The following KLK9 variants were observed in gnomAD, a reference collection of about 807,000 sequenced individuals.
KLK9 encodes kallikrein-9.
KLK9 carries 26 observed loss-of-function variants against 23.3 expected under a neutral mutation model. The observed-to-expected ratio is 1.12, with a 90% CI of 0.82 to 1.55. KLK9 has a LOEUF of 1.55. Among genes scored for constraint, KLK9 ranks in the 40% most tolerant of loss-of-function variants. KLK9 has a pLI of 0.00. For synonymous variants in KLK9, 122 were observed against 128.5 expected (o/e 0.95, Z 0.34); for missense variants, 346 against 333.7 (o/e 1.04, Z -0.29).
In KLK9 at chr19:51,003,833, A is replaced by C; in HGVS notation, c.474T>G (p.Phe158Leu). 1 of 1,613,908 alleles carries C rather than the reference A, an allele frequency of 6.2e-7. No homozygotes were observed. Among genetic ancestry groups the C allele is most frequent in the Non-Finnish European group, 8.5e-7 (1 of 1,179,830 alleles). Residue 158 changes from phenylalanine to leucine, a missense_variant, in exon 4 of 5, where the codon TTT becomes TTG. By Grantham distance (22) the Phe-to-Leu change is conservative. Coordinates refer to ENST00000594211, the MANE Select transcript of KLK9 (RefSeq NM_012315.2). ...WGAVSSPKAL[F>L]PVTLQCANIS... ...TGTTGGCACACTGCAGTGTGACTGG[A>C]AACAGCGCTGTCAGGGAAGAGAACT...
rs766068135 is a variant in KLK9, at chr19:51,009,371, C to T, written c.44-32G>A. 32 of 1,554,936 alleles carry T rather than the reference C, an allele frequency of 2.1e-5. No homozygotes were observed. The highest frequency in any genetic ancestry group is 3.7e-5 in the Admixed American group (2 of 53,618). On this transcript the variant is annotated intron_variant, in intron 1 of 4. Coordinates refer to ENST00000594211, the MANE Select transcript of KLK9 (RefSeq NM_012315.2). The surrounding 1 kb of genome is among the most constrained non-coding windows in gnomAD (Gnocchi z 4.8). Reference sequence around the variant, plus strand: ...TGGGGATGAGGGACAAAGGGGTCAGCGAAGAGCAGGCTGGGAGGGCAGGGA... The same window carrying T: ...TGGGGATGAGGGACAAAGGGGTCAGTGAAGAGCAGGCTGGGAGGGCAGGGA...
rs145001307 is a variant in KLK9, at chr19:51,006,725, T to C, written c.201-2A>G. 10 of 1,572,988 alleles carry C rather than the reference T, an allele frequency of 6.4e-6. No individual in the cohort carries two copies. Among genetic ancestry groups the C allele is most frequent in the Non-Finnish European group, 8.6e-6 (10 of 1,157,578 alleles). On this transcript the variant is annotated splice_acceptor_variant, in intron 2 of 4. Transcript: ENST00000594211. LOFTEE classifies it high-confidence loss of function. This position sits in a 1 kb window ranked among gnomAD's most constrained non-coding sequence, Gnocchi z 4.1. ...TCTCCAAGGCGGACCCACAGATACCTGCTGGGACAGGCCTCAGAGGTCAAG... is the reference window on the plus strand; with the variant it reads ...TCTCCAAGGCGGACCCACAGATACCCGCTGGGACAGGCCTCAGAGGTCAAG...
Position 51,002,876 on chromosome 19 carries a change from T to C in KLK9, c.*235A>G, listed in dbSNP as rs757939891. On this transcript the variant is annotated 3_prime_UTR_variant, in exon 5 of 5. Transcript: ENST00000594211. ...GAGGTGATGGCTGTCGGTGACGTCATAGAGACGGGCTCTGAAGGGCGTGTC... is the reference window on the plus strand; with the variant it reads ...GAGGTGATGGCTGTCGGTGACGTCACAGAGACGGGCTCTGAAGGGCGTGTC... The C allele has an allele frequency of 6.5e-6, 3 of 459,554 alleles. No individual in the cohort carries two copies. Among genetic ancestry groups the C allele is most frequent in the Non-Finnish European group, 1.1e-5 (3 of 261,734 alleles). The allele number at this position is 459,554 out of a possible 1,614,324, so 28.5% of individuals were successfully genotyped here. A position where few individuals can be genotyped will look rare whatever the true frequency, so the allele number is the denominator to read the frequency against.
rs1007755 is a variant in KLK9, at chr19:51,007,512, G to A, written c.201-789C>T. ...TCTTGGCTCTGGATCTGGAAAAGTA[G>A]TCCTCACCCCTACATCCCTTCATCC... On this transcript the variant is annotated intron_variant, in intron 2 of 4. Coordinates refer to ENST00000594211, the MANE Select transcript of KLK9 (RefSeq NM_012315.2). Among the ~76,000 whole-genome samples, 1,347 of 151,896 alleles carry A rather than the reference G, an allele frequency of 8.9e-3. 22 individuals carry two copies. Among genetic ancestry groups the A allele is most frequent in the African/African-American group, 0.031 (1,266 of 41,470 alleles).
Position 51,009,356 on chromosome 19 carries a change from GGACAAAGGGGTCAGC to G in KLK9, c.44-32_44-18del. ...AGCCATGCCCTGGGGTGGGGATGAG[GGACAAAGGGGTCAGC>G]GAAGAGCAGGCTGGGAGGGCAGGGA... On this transcript the variant is annotated intron_variant, in intron 1 of 4. Transcript: ENST00000594211. This position sits in a 1 kb window ranked among gnomAD's most constrained non-coding sequence, Gnocchi z 4.8. 6.4e-7 allele frequency: 1 copy of G among 1,564,868 alleles called. No homozygotes were observed. Among genetic ancestry groups the G allele is most frequent in the East Asian group, 2.3e-5 (1 of 44,062 alleles).
Position 51,003,228 on chromosome 19 carries a change from T to A in KLK9, c.636A>T (p.Gly212=). 6.2e-7 allele frequency: 1 copy of A among 1,612,884 alleles called. No individual in the cohort carries two copies. Among genetic ancestry groups the A allele is most frequent in the Non-Finnish European group, 8.5e-7 (1 of 1,179,592 alleles). Residue 212 remains glycine, a synonymous_variant, in exon 5 of 5, where the codon GGA becomes GGT. Coordinates refer to ENST00000594211, the MANE Select transcript of KLK9 (RefSeq NM_012315.2). ...GDSGGPLVCN[G]TLAGVVSGGA... is the part of the protein sequence containing the mutation. ...CCCCAGACACCACGCCTGCCAAGGTTCCATTGCAAACCAGGGGGCCCCCAG... is the reference window on the plus strand; with the variant it reads ...CCCCAGACACCACGCCTGCCAAGGTACCATTGCAAACCAGGGGGCCCCCAG...
At chr19:51,004,232 C>T (rs908838233) in intron 3 of KLK9, among the ~76,000 whole-genome samples, 24 of 148,968 alleles carry the variant, frequency 1.6e-4, no homozygotes, top group African/African-American at 5.7e-4. Context: ...CCCAGCTACT[C>T]GGGAGGCTGA....
chr19:51,008,671 AT>A (rs2091265194), intron 2 of KLK9, among the ~76,000 whole-genome samples: 1 of 152,230 alleles, frequency 6.6e-6, no homozygotes, highest in Non-Finnish European at 1.5e-5. Flanking sequence ...AGTAAACTGT[AT>A]CGTTCATACG....
At chr19:51,005,299 G>A (rs1367289155) in intron 3 of KLK9, among the ~76,000 whole-genome samples, 1 of 152,200 alleles carries the variant, frequency 6.6e-6, no homozygotes, top group East Asian at 1.9e-4. Context: ...GCCAGGTACA[G>A]TGGCTCACAC....
chr19:51,005,912 T>A (rs1000252442), intron 3 of KLK9, among the ~76,000 whole-genome samples: 2 of 150,038 alleles, frequency 1.3e-5, no homozygotes. Context: ...CCTCTGTCTC[T>A]ACTAAAAATA....
In KLK9 at chr19:51,003,082, C is replaced by T. The variant is rs374809160; in HGVS notation, c.*29G>A. The T allele has an allele frequency of 6.9e-6, 11 of 1,591,238 alleles. No individual in the cohort carries two copies. The African/African-American group carries it at 1.5e-4, about 21-fold the overall frequency. ...CCCGTGCCCTTCGGCCTCTCTTGGT[C>T]TTCCAAGGTGCCCCCGTGGCGCGCG... On this transcript the variant is annotated 3_prime_UTR_variant, in exon 5 of 5. Coordinates refer to ENST00000594211, the MANE Select transcript of KLK9 (RefSeq NM_012315.2).
At position 51,009,504 on chromosome 19, in the gene KLK9, C is replaced by A. The variant is rs748161036; in HGVS notation, c.43+1G>T. On this transcript the variant is annotated splice_donor_variant, in intron 1 of 4. Transcript: ENST00000594211. LOFTEE classifies it high-confidence loss of function. This position sits in a 1 kb window ranked among gnomAD's most constrained non-coding sequence, Gnocchi z 4.8. ...AGGGGCAGCCAGCCTGGGAGCCTCA[C>A]CTGCCAGCAGAGAGAGCAGAGCACA... 1 of 1,609,252 alleles carries A rather than the reference C, an allele frequency of 6.2e-7. No individual in the cohort carries two copies. The highest frequency in any genetic ancestry group is 1.3e-5 in the African/African-American group (1 of 74,948).
Position 51,008,058 on chromosome 19 carries a change from C to T in KLK9, c.200+1125G>A, listed in dbSNP as rs1427213304. Reference sequence around the variant, plus strand: ...AAAAGACTAGAATTTTGGCTGGGCGCGGTGGCTCACGCCTGTAATCCCAGC... The same window carrying T: ...AAAAGACTAGAATTTTGGCTGGGCGTGGTGGCTCACGCCTGTAATCCCAGC... On this transcript the variant is annotated intron_variant, in intron 2 of 4. Transcript: ENST00000594211. 4.6e-5 allele frequency among the ~76,000 whole-genome samples: 7 copies of T among 151,474 alleles called. No individual in the cohort carries two copies. In the East Asian group the frequency reaches 7.8e-4, roughly 17 times the overall value.
In KLK9 at chr19:51,006,416, T is replaced by A. The variant is rs1172830336; in HGVS notation, c.466+42A>T. On this transcript the variant is annotated intron_variant, in intron 3 of 4. Coordinates refer to ENST00000594211, the MANE Select transcript of KLK9 (RefSeq NM_012315.2). This position sits in a 1 kb window ranked among gnomAD's most constrained non-coding sequence, Gnocchi z 4.1. Reference sequence around the variant, plus strand: ...AGATGAAAAGGCAGAGACAGAGGGGTGAGGGAGCAAGTTTCAGAGAGAGTT... The same window carrying A: ...AGATGAAAAGGCAGAGACAGAGGGGAGAGGGAGCAAGTTTCAGAGAGAGTT... The A allele has an allele frequency of 8.6e-6, 13 of 1,519,990 alleles. No individual in the cohort carries two copies. Among genetic ancestry groups the A allele is most frequent in the Non-Finnish European group, 8.9e-6 (10 of 1,127,862 alleles). The allele number at this position is 1,519,990 out of a possible 1,614,324, so 94.2% of individuals were successfully genotyped here. A position where few individuals can be genotyped will look rare whatever the true frequency, so the allele number is the denominator to read the frequency against.
intron 3 of KLK9, among the ~76,000 whole-genome samples, chr19:51,005,218 T>A (rs1196157218): frequency 6.6e-6 from 1 of 152,228 alleles, no homozygotes; most frequent in Non-Finnish European, 1.5e-5. Flanking sequence ...GGGTCAGTGA[T>A]CCGTGACTCT....
intron 4 of KLK9, among the ~76,000 whole-genome samples, chr19:51,003,461 C>A (rs939093757): frequency 6.6e-6 from 1 of 152,104 alleles, no homozygotes; most frequent in Admixed American, 6.5e-5. Flanking sequence ...ACCTCCTCCT[C>A]CCCGAGGACT....
chr19:51,004,088 C>T (rs2047879047), intron 3 of KLK9, among the ~76,000 whole-genome samples: 1 of 151,996 alleles, frequency 6.6e-6, no homozygotes, highest in East Asian at 1.9e-4. Flanking sequence ...TGCCTGTAAT[C>T]CCAGTGTTTT....
chr19:51,004,989 C>A (rs190997930), intron 3 of KLK9, among the ~76,000 whole-genome samples: 1 of 152,280 alleles, frequency 6.6e-6, no homozygotes, highest in Non-Finnish European at 1.5e-5. Flanking sequence ...AGACAGGAGC[C>A]ATTTGGGTCC....
At chr19:51,003,985 C>T in intron 3 of KLK9, 145 bp from the exon 4 acceptor site, 1 of 642,398 alleles carries the variant, frequency 1.6e-6, no homozygotes, top group Non-Finnish European at 2.7e-6. Context: ...GAGACAGTGA[C>T]AGACAGACAG....
Sources: gnomAD v4.1 joint callset for allele counts (sites outside exome capture counted in the v4.1 genomes callset) on GRCh38, gnomAD v4.1.1 for gene constraint, Gnocchi (gnomAD v3.1) non-coding constraint, MANE v1.5 for transcripts, NCBI Gene and HGNC (gene_info 2026-07-23, HGNC 2026-07-21) for gene names.